Variants in SHOX2 observed in about 807,000 individuals in gnomAD.
SHOX2 encodes the protein SHOX homeobox 2, also known as short stature homeobox protein 2.
SHOX2 carries 13 observed loss-of-function variants against 31.3 expected under a neutral mutation model. The ratio of observed to expected loss-of-function variants is 0.42; its 90% CI spans 0.27 to 0.66. The LOEUF is 0.66. Ranked by LOEUF, SHOX2 falls within the 30% of genes least tolerant of loss-of-function variation. The pLI is 0.27. For synonymous variants in SHOX2, 244 were observed against 196.2 expected, an observed-to-expected ratio of 1.24 and a Z score of -2.04; for missense variants, 473 against 443.0, an observed-to-expected ratio of 1.07 and a Z score of -0.61.
chr3:158,104,821 T>G (rs559219498), intron 1 of SHOX2, among the ~76,000 whole-genome samples: 1 of 152,342 alleles, frequency 6.6e-6, no homozygotes, highest in East Asian at 1.9e-4. Context: ...TGGAAAAATA[T>G]GGCAGTACAC....
At chr3:158,101,205 T>A (rs1454999443) in intron 2 of SHOX2, among the ~76,000 whole-genome samples, 1 of 152,238 alleles carries the variant, frequency 6.6e-6, no homozygotes, top group East Asian at 1.9e-4. Flanking sequence ...TTAAAGTTTT[T>A]AAAACCCCAT....
rs552279655 is a variant in SHOX2 at position 158,098,135 on chromosome 3, G to A, written c.852C>T (p.Ala284=). The change falls in exon 5 of 5, where the codon GCC becomes GCT. Residue 284 remains alanine (A), a synonymous_variant. Coordinates refer to ENST00000483851, the MANE Select transcript of SHOX2 (RefSeq NM_001163678.2). ...CTGCTGCGGCCGCCACTACCGAGGC[G>A]GCGGAAGCCGAATCCGCGGCCAGCG... The part of the protein sequence containing the change: ...LATLAADSAS[A]ASVVAAAAAA... 1.2e-6 allele frequency: 2 copies of A among 1,613,254 alleles called. No homozygotes were observed. The highest frequency in any genetic ancestry group is 8.5e-7 in the Non-Finnish European group (1 of 1,179,620).
chr3:158,102,481 G>GAAAAA (rs5853813), intron 2 of SHOX2, among the ~76,000 whole-genome samples, 197 bp downstream of exon 2: 1 of 144,486 alleles, frequency 6.9e-6, no homozygotes. Context: ...TGTTAGGATG[G>GAAAAA]AAAAAAAAAA....
chr3:158,097,985 G>A lies in SHOX2; in HGVS notation c.*42C>T, dbSNP rs531397872. On this transcript the variant is annotated 3_prime_UTR_variant, in exon 5 of 5. Coordinates refer to ENST00000483851, the MANE Select transcript of SHOX2 (RefSeq NM_001163678.2). ...GCGGGGCGCGGAGGGCGTGCAGGCT[G>A]AGTGCCGCGGGACAGGCGCGACATT... 15 of 1,552,596 alleles carry A rather than the reference G, an allele frequency of 9.7e-6. No homozygotes were observed. The highest frequency in any genetic ancestry group is 3.7e-5 in the Admixed American group (2 of 53,544).
In SHOX2 at chr3:158,095,915, G is replaced by A. The variant is rs1194710403; in HGVS notation, c.*2112C>T. ...AGAGCAGAGGCAAGCGCTTTTCCAA[G>A]TTGGTATATTCGAGAGAGTGATACG... On this transcript the variant is annotated 3_prime_UTR_variant, in exon 5 of 5. Coordinates refer to ENST00000483851, the MANE Select transcript of SHOX2 (RefSeq NM_001163678.2). 1 of 152,372 alleles carries A rather than the reference G, an allele frequency of 6.6e-6. No individual in the cohort carries two copies. Among genetic ancestry groups the A allele is most frequent in the Non-Finnish European group, 1.5e-5 (1 of 68,040 alleles). 9.4% of individuals were successfully genotyped at this position (152,372 alleles called of 1,614,324 possible). A position where few individuals can be genotyped will look rare whatever the true frequency, so the allele number is the denominator to read the frequency against.
At chr3:158,100,088 G>A in intron 3 of SHOX2, 140 bp from the exon 4 acceptor site, 1 of 910,872 alleles carries the variant, frequency 1.1e-6, no homozygotes, top group Non-Finnish European at 1.7e-6. Flanking sequence ...TTAAATAAAT[G>A]TAACTTACTC....
At position 158,099,881 on chromosome 3, in the gene SHOX2, A is replaced by G; in HGVS notation, c.681T>C (p.Ala227=). The change falls in exon 4 of 5, where the codon GCT becomes GCC. Residue 227 remains alanine, a synonymous_variant. Coordinates refer to ENST00000483851, the MANE Select transcript of SHOX2 (RefSeq NM_001163678.2). ...CRVAPYVNVG[A]LRMPFQQVQA... Reference sequence around the variant, plus strand: ...TTGCCTGCTGAAATGGCATCCTTAAAGCACCTACGTTGACATAAGGTGCGA... The same window carrying G: ...TTGCCTGCTGAAATGGCATCCTTAAGGCACCTACGTTGACATAAGGTGCGA... 2 of 1,614,074 alleles carry G rather than the reference A, an allele frequency of 1.2e-6. No homozygotes were observed. The highest frequency in any genetic ancestry group is 1.7e-6 in the Non-Finnish European group (2 of 1,179,918).
intron 2 of SHOX2, among the ~76,000 whole-genome samples, chr3:158,102,112 G>C (rs1355766912): frequency 1.3e-5 from 2 of 152,120 alleles, no homozygotes; most frequent in African/African-American, 4.8e-5. Context: ...TTATTTCTCC[G>C]CTATTTCACA....
Position 158,105,828 on chromosome 3 carries a change from C to G in SHOX2, c.197G>C (p.Gly66Ala). Residue 66 changes from glycine to alanine, a missense_variant, in exon 1 of 5, where the codon GGA becomes GCA. Gly to Ala is a moderately conservative substitution (Grantham distance 60, BLOSUM62 0). Coordinates refer to ENST00000483851, the MANE Select transcript of SHOX2 (RefSeq NM_001163678.2). ...GCCTCCTCCGCCGCCGCCTCCGCCTCCTCCGCCGCCGCCTCCGCCGGCCGC... is the reference window on the plus strand; with the variant it reads ...GCCTCCTCCGCCGCCGCCTCCGCCTGCTCCGCCGCCGCCTCCGCCGGCCGC... Reference protein sequence around the residue: ...VRAAGGGGGGGGGGGGGGGGG... With the variant: ...VRAAGGGGGGAGGGGGGGGGG... The G allele has an allele frequency of 6.9e-7, 1 of 1,459,288 alleles. No individual in the cohort carries two copies. The highest frequency in any genetic ancestry group is 3.0e-5 in the East Asian group (1 of 33,092). The allele number at this position is 1,459,288 out of a possible 1,614,324, so 90.4% of individuals were successfully genotyped here.
At chr3:158,105,154 G>GC in intron 1 of SHOX2, 2 of 1,463,004 alleles carry the variant, frequency 1.4e-6, no homozygotes, top group Non-Finnish European at 9.4e-7. Context: ...GGAAGTTTTG[G>GC]CCCCTAAGAT....
intron 2 of SHOX2, among the ~76,000 whole-genome samples, chr3:158,101,052 C>T (rs549202052): frequency 2.0e-5 from 3 of 152,304 alleles, no homozygotes; most frequent in South Asian, 4.1e-4. Flanking sequence ...AAGCAAGTAA[C>T]TCTTAGGTAC....
intron 3 of SHOX2, 83 bp from the exon 4 acceptor site, chr3:158,100,031 A>G: frequency 2.5e-6 from 3 of 1,181,692 alleles, no homozygotes; most frequent in Non-Finnish European, 3.7e-6. Context: ...AGACAGAACG[A>G]ATTCCTTTGA....
Position 158,096,928 on chromosome 3 carries a change from A to ATATATATATATG in SHOX2, c.*1098_*1099insCATATATATATA, listed in dbSNP as rs1335056593. On this transcript the variant is annotated 3_prime_UTR_variant, in exon 5 of 5. Transcript: ENST00000483851. ...TATATATATATATATATATATATAT[A>ATATATATATATG]TATGGCAAATATATGATATATATAT... 30 of 121,224 alleles carry ATATATATATATG rather than the reference A, an allele frequency of 2.5e-4. 1 individual carries two copies. Among genetic ancestry groups the ATATATATATATG allele is most frequent in the African/African-American group, 9.0e-4 (29 of 32,060 alleles). The allele number at this position is 121,224 out of a possible 1,614,324, so 7.5% of individuals were successfully genotyped here.
chr3:158,102,148 G>T (rs1713531687), intron 2 of SHOX2, among the ~76,000 whole-genome samples: 1 of 152,166 alleles, frequency 6.6e-6, no homozygotes, highest in Admixed American at 6.5e-5. Context: ...ACCGCTAACA[G>T]CAGACTGTAA....
rs1559894929 is a variant in SHOX2 at position 158,098,227 on chromosome 3, G to GATGCAGGTGGTGGTGCGC, written c.742_759dup (p.Ala248_His253dup). 1.9e-6 allele frequency: 3 copies of GATGCAGGTGGTGGTGCGC among 1,613,970 alleles called. No individual in the cohort carries two copies. The highest frequency in any genetic ancestry group is 2.2e-5 in the South Asian group (2 of 91,048). On this transcript the variant is annotated inframe_insertion, in exon 5 of 5. Transcript: ENST00000483851. ...TAGGGCGCGTGCGCGGCCAGGTGCG[G>GATGCAGGTGGTGGTGCGC]ATGCAGGTGGTGGTGCGCGTGCGCC...
chr3:158,105,959 C>T lies in SHOX2; in HGVS notation c.66G>A (p.Ala22=), dbSNP rs1713899661. The T allele has an allele frequency of 6.2e-6, 10 of 1,612,770 alleles. No individual in the cohort carries two copies. The highest frequency in any genetic ancestry group is 7.6e-6 in the Non-Finnish European group (9 of 1,179,712). ...FDQKVKEKKE[A]ITYREVLESG... Reference sequence around the variant, plus strand: ...TCTCCAGCACCTCCCGGTACGTGATCGCCTCCTTCTTCTCCTTCACTTTCT... The same window carrying T: ...TCTCCAGCACCTCCCGGTACGTGATTGCCTCCTTCTTCTCCTTCACTTTCT... The change falls in exon 1 of 5, where the codon GCG becomes GCA. Residue 22 remains alanine, a synonymous_variant. Coordinates refer to ENST00000483851, the MANE Select transcript of SHOX2 (RefSeq NM_001163678.2).
intron 2 of SHOX2, among the ~76,000 whole-genome samples, chr3:158,101,519 G>A (rs1316704614): frequency 6.6e-6 from 1 of 152,216 alleles, no homozygotes; most frequent in African/African-American, 2.4e-5. Context: ...TAAAAAGGAA[G>A]GCTCTGCTGC....
intron 2 of SHOX2, among the ~76,000 whole-genome samples, 169 bp downstream of exon 2, chr3:158,102,509 A>G (rs1051903264): frequency 2.6e-5 from 4 of 151,532 alleles, no homozygotes; most frequent in Non-Finnish European, 5.9e-5. Flanking sequence ...GGAGTGCTAT[A>G]GGACTAAGAT....
rs1459463483 is a variant in SHOX2 at position 158,096,053 on chromosome 3, T to C, written c.*1974A>G. 6.5e-6 allele frequency: 1 copy of C among 152,682 alleles called. No individual in the cohort carries two copies. The highest frequency in any genetic ancestry group is 1.9e-4 in the East Asian group (1 of 5,206). 9.5% of individuals were successfully genotyped at this position (152,682 alleles called of 1,614,324 possible). A position where few individuals can be genotyped will look rare whatever the true frequency, so the allele number is the denominator to read the frequency against. ...TTCATTCAATTGATCGCAAAGTGTC[T>C]TCAATTAATAACTTGGCACTTATTT... is the stretch of plus-strand genomic sequence containing the variant. On this transcript the variant is annotated 3_prime_UTR_variant, in exon 5 of 5. Transcript: ENST00000483851.
Sources: allele counts gnomAD v4.1 joint callset (sites outside exome capture counted in the v4.1 genomes callset), GRCh38; gene constraint gnomAD v4.1.1; transcripts MANE v1.5; gene names NCBI Gene and HGNC (gene_info 2026-07-23, HGNC 2026-07-21).